Variants in NLN observed in about 807,000 individuals in gnomAD.
NLN encodes neurolysin, also known as neurolysin, mitochondrial.
In NLN, 64 loss-of-function variants were observed where a neutral mutation model predicts 79.9. The ratio of observed to expected loss-of-function variants is 0.80; its 90% CI spans 0.65 to 0.99. The LOEUF is 0.99. Ranked by LOEUF, NLN falls within the 50% of genes least tolerant of loss-of-function variation. The pLI, the probability that NLN is intolerant of heterozygous loss-of-function variation, is 0.00. For missense variants in NLN, 835 were observed against 858.7 expected, an observed-to-expected ratio of 0.97 and a Z score of 0.34; for synonymous variants, 267 against 296.6, an observed-to-expected ratio of 0.90 and a Z score of 1.02.
intron 8 of NLN, among the ~76,000 whole-genome samples, chr5:65,790,449 C>G (rs955713751): frequency 3.3e-5 from 5 of 152,284 alleles, no homozygotes; most frequent in Admixed American, 3.3e-4. Context: ...AGGAAACTTA[C>G]AATCATGGCA....
chr5:65,761,511 C>T (rs1759340070), intron 2 of NLN, among the ~76,000 whole-genome samples: 1 of 152,070 alleles, frequency 6.6e-6, no homozygotes, highest in East Asian at 1.9e-4. Context: ...AGGCTGGTCT[C>T]AAACTCCTGA....
chr5:65,759,543 G>A (rs114348558), intron 2 of NLN, among the ~76,000 whole-genome samples: 119 of 152,204 alleles, frequency 7.8e-4, no homozygotes, highest in African/African-American at 2.8e-3. Context: ...GTGGGGGCTG[G>A]TAGGCTTGAG....
In NLN at chr5:65,812,318, A is replaced by G; in HGVS notation, c.1907A>G (p.Tyr636Cys). Residue 636 changes from tyrosine to cysteine, a missense_variant, in exon 12 of 13, where the codon TAT becomes TGT. Coordinates refer to ENST00000380985, the MANE Select transcript of NLN (RefSeq NM_020726.5). Reference sequence around the variant, plus strand: ...GGATACGATGGCCAATATTATGGATATCTTTGGAGTGAAGTATTTTCCATG... The same window carrying G: ...GGATACGATGGCCAATATTATGGATGTCTTTGGAGTGAAGTATTTTCCATG... ...AGGYDGQYYG[Y>C]LWSEVFSMDM... 8 of 1,601,402 alleles carry G rather than the reference A, an allele frequency of 5.0e-6. No homozygotes were observed. Among genetic ancestry groups the G allele is most frequent in the East Asian group, 2.2e-5 (1 of 44,830 alleles).
At position 65,780,252 on chromosome 5, in the gene NLN, C is replaced by T. The variant is rs746838467; in HGVS notation, c.632C>T (p.Thr211Ile). The change falls in exon 5 of 13, where the codon ACC becomes ATC. Residue 211 changes from threonine to isoleucine, a missense_variant. By Grantham distance (89) the Thr-to-Ile change is moderately conservative (BLOSUM62 -1). Coordinates refer to ENST00000380985, the MANE Select transcript of NLN (RefSeq NM_020726.5). ...AACAAAAACCTCAATGAGGATGATA[C>T]CTTCCTTGTATTTTCCAAGGCTGAA... ...DFNKNLNEDD[T>I]FLVFSKAELG... 18 of 1,456,350 alleles carry T rather than the reference C, an allele frequency of 1.2e-5. No individual in the cohort carries two copies. Among genetic ancestry groups the T allele is most frequent in the Non-Finnish European group, 1.5e-5 (16 of 1,051,572 alleles). The allele number at this position is 1,456,350 out of a possible 1,614,324, so 90.2% of individuals were successfully genotyped here.
At chr5:65,820,299 T>A (rs1307595147) in intron 12 of NLN, among the ~76,000 whole-genome samples, 1 of 152,250 alleles carries the variant, frequency 6.6e-6, no homozygotes, top group Non-Finnish European at 1.5e-5. Context: ...GCTGAAGAAT[T>A]TCTGCAGACG....
chr5:65,724,368 G>C (rs996436260), intron 1 of NLN, among the ~76,000 whole-genome samples: 3 of 152,088 alleles, frequency 2.0e-5, no homozygotes, highest in African/African-American at 7.2e-5. Flanking sequence ...TTTGCGTCTG[G>C]TTTATTTAGT....
At chr5:65,785,693 A>G (rs1759903817) in intron 6 of NLN, 82 bp from the exon 7 acceptor site, 1 of 1,132,706 alleles carries the variant, frequency 8.8e-7, no homozygotes, top group Admixed American at 2.1e-5. Context: ...AAACCTAAAA[A>G]TACATACAGT....
At chr5:65,723,536 C>T (rs1017379987) in intron 1 of NLN, among the ~76,000 whole-genome samples, 3 of 152,086 alleles carry the variant, frequency 2.0e-5, no homozygotes, top group South Asian at 4.1e-4. Context: ...AATTCTCGGC[C>T]GGGCGCTGTG....
Position 65,792,660 on chromosome 5 carries a change from G to T in NLN, c.1527+5G>T, listed in dbSNP as rs754037262. On this transcript the variant is annotated splice_donor_5th_base_variant and intron_variant, in intron 9 of 12. Transcript: ENST00000380985. ...ATGCATCAGATTTGTGCACAGGTGA[G>T]TTTTTTTTTTCCCCCAGTAAACCTG... 44 of 1,516,912 alleles carry T rather than the reference G, an allele frequency of 2.9e-5. No homozygotes were observed. Among genetic ancestry groups the T allele is most frequent in the Non-Finnish European group, 3.9e-5 (43 of 1,109,632 alleles). 94.0% of individuals were successfully genotyped at this position (1,516,912 alleles called of 1,614,324 possible). A position where few individuals can be genotyped will look rare whatever the true frequency, so the allele number is the denominator to read the frequency against.
At chr5:65,745,255 A>T (rs938053795) in intron 1 of NLN, among the ~76,000 whole-genome samples, 5 of 152,230 alleles carry the variant, frequency 3.3e-5, no homozygotes, top group Admixed American at 1.3e-4. Flanking sequence ...GTAAGCATGT[A>T]TGCTTTAAGT....
intron 9 of NLN, among the ~76,000 whole-genome samples, chr5:65,797,877 A>G (rs751600617): frequency 2.6e-5 from 4 of 152,176 alleles, no homozygotes; most frequent in Admixed American, 6.5e-5. Context: ...GATCTGTGGA[A>G]GGTGATTGGA....
intron 1 of NLN, among the ~76,000 whole-genome samples, chr5:65,727,033 T>A (rs774329607): frequency 3.9e-5 from 6 of 152,234 alleles, no homozygotes; most frequent in Non-Finnish European, 5.9e-5. Context: ...GATCATTGAT[T>A]GGGGTGTTCA....
intron 3 of NLN, among the ~76,000 whole-genome samples, chr5:65,772,967 TA>T (rs777853975): frequency 7.7e-6 from 1 of 129,144 alleles, no homozygotes; most frequent in African/African-American, 2.9e-5. Flanking sequence ...TTTTTTTTTT[TA>T]AATGAGCAGG....
At chr5:65,724,818 T>C (rs79790919) in intron 1 of NLN, among the ~76,000 whole-genome samples, 1 of 150,378 alleles carries the variant, frequency 6.6e-6, no homozygotes. Context: ...TTTTTTTTTT[T>C]TGAGACAGAG....
rs1426597470 is a variant in NLN at position 65,732,309 on chromosome 5, A to G, written c.41+9895A>G. ...CGGGCCAGATGCTACAGAGAGAGAC[A>G]TGCAGGGAGCTAGTTAGTCAGGGGT... On this transcript the variant is annotated intron_variant, in intron 1 of 12. Transcript: ENST00000380985. Among the ~76,000 whole-genome samples the G allele has an allele frequency of 5.6e-5, 5 of 88,980 alleles. 2 individuals carry two copies. The highest frequency in any genetic ancestry group is 1.4e-4 in the African/African-American group (3 of 22,182). 58.4% of individuals were successfully genotyped at this position (88,980 alleles called of 152,430 possible). A position where few individuals can be genotyped will look rare whatever the true frequency, so the allele number is the denominator to read the frequency against.
chr5:65,789,314 A>G (rs530788448), intron 8 of NLN, among the ~76,000 whole-genome samples: 2 of 152,290 alleles, frequency 1.3e-5, no homozygotes, highest in Non-Finnish European at 2.9e-5. Context: ...ATAAACTGGG[A>G]ATATTAGTAG....
chr5:65,817,206 GT>G (rs1760688569), intron 12 of NLN, among the ~76,000 whole-genome samples: 1 of 152,160 alleles, frequency 6.6e-6, no homozygotes, highest in Non-Finnish European at 1.5e-5. Flanking sequence ...TTTATCTGTA[GT>G]TTTTTAAATA....
chr5:65,770,469 G>C (rs899070083), intron 3 of NLN, among the ~76,000 whole-genome samples: 13 of 152,138 alleles, frequency 8.5e-5, no homozygotes, highest in African/African-American at 2.9e-4. Context: ...ACCATAATAA[G>C]TTACCATTCT....
intron 1 of NLN, among the ~76,000 whole-genome samples, chr5:65,731,783 C>T (rs1758617450): frequency 2.5e-5 from 3 of 120,542 alleles, no homozygotes; most frequent in Non-Finnish European, 4.9e-5. Flanking sequence ...CAGAGTCTAG[C>T]TCTGTCACCC....
Sources: allele counts gnomAD v4.1 joint callset (sites outside exome capture counted in the v4.1 genomes callset), GRCh38; gene constraint gnomAD v4.1.1; transcripts MANE v1.5; gene names NCBI Gene and HGNC (gene_info 2026-07-23, HGNC 2026-07-21).